CACNA2D3: variants seen among roughly 807,000 people sequenced by gnomAD.
The protein encoded by CACNA2D3 is calcium voltage-gated channel auxiliary subunit alpha2delta 3.
In CACNA2D3, 60 loss-of-function variants were observed where a neutral mutation model predicts 160.6. That is an observed-to-expected ratio of 0.37 (90% CI 0.30 to 0.46). The LOEUF (loss-of-function observed/expected upper bound fraction) is 0.46. Ranked by LOEUF, CACNA2D3 falls within the 20% of genes least tolerant of loss-of-function variation. CACNA2D3 has a pLI of 1.00. For synonymous variants in CACNA2D3, 558 were observed against 492.9 expected, an observed-to-expected ratio of 1.13 and a Z score of -1.75; for missense variants, 1,205 against 1,365.0, an observed-to-expected ratio of 0.88 and a Z score of 1.85.
At chr3:54,659,293 C>A (rs1699928101) in intron 11 of CACNA2D3, among the ~76,000 whole-genome samples, 1 of 152,228 alleles carries the variant, frequency 6.6e-6, no homozygotes, top group African/African-American at 2.4e-5. Flanking sequence ...AGTGTGCGTT[C>A]AGGGAGCCTT....
intron 4 of CACNA2D3, among the ~76,000 whole-genome samples, chr3:54,421,106 T>C (rs901742286): frequency 6.6e-6 from 1 of 152,184 alleles, no homozygotes; most frequent in Non-Finnish European, 1.5e-5. Context: ...GAAGTTTTGC[T>C]CTGAGATGAA....
rs1390046362 is a variant in CACNA2D3, at chr3:54,195,142, C to T, written c.204+71548C>T. On this transcript the variant is annotated intron_variant, in intron 2 of 37. Coordinates refer to ENST00000474759, the MANE Select transcript of CACNA2D3 (RefSeq NM_018398.3). ...TCCTAATATGCACATTCCAGAGTCCCGCCTCCCAGAGGTCCAAATCATTTG... is the reference window on the plus strand; with the variant it reads ...TCCTAATATGCACATTCCAGAGTCCTGCCTCCCAGAGGTCCAAATCATTTG... Among the ~76,000 whole-genome samples, 7 of 152,280 alleles carry T rather than the reference C, an allele frequency of 4.6e-5. No individual in the cohort carries two copies. In the East Asian group the frequency reaches 9.7e-4, roughly 21 times the overall value.
At chr3:54,403,353 TCAAACACACACA>T (rs1699506813) in intron 4 of CACNA2D3, among the ~76,000 whole-genome samples, 1 of 100,286 alleles carries the variant, frequency 1.0e-5, no homozygotes, top group Admixed American at 1.1e-4. Context: ...GGACCCTATC[TCAAACACACACA>T]CACACACACA....
chr3:55,050,221 T>C (rs1288730264), intron 35 of CACNA2D3, among the ~76,000 whole-genome samples: 1 of 150,920 alleles, frequency 6.6e-6, no homozygotes, highest in Non-Finnish European at 1.5e-5. Flanking sequence ...CATTTTGGCA[T>C]GATTTTGCAG....
intron 13 of CACNA2D3, among the ~76,000 whole-genome samples, chr3:54,806,855 G>T (rs1331340810): frequency 1.3e-5 from 2 of 152,092 alleles, no homozygotes; most frequent in African/African-American, 4.8e-5. Context: ...CCAAAACAGA[G>T]ATATAGATCA....
chr3:54,482,523 A>G (rs1330279377), intron 4 of CACNA2D3, among the ~76,000 whole-genome samples: 3 of 152,224 alleles, frequency 2.0e-5, no homozygotes, highest in Non-Finnish European at 4.4e-5. Flanking sequence ...ACTAATGCCC[A>G]TAATTTATGT....
At chr3:54,786,962 C>A (rs948010250) in intron 13 of CACNA2D3, among the ~76,000 whole-genome samples, 1 of 152,170 alleles carries the variant, frequency 6.6e-6, no homozygotes, top group African/African-American at 2.4e-5. Context: ...TTCAAATTTC[C>A]CAACATGGAG....
At chr3:54,990,128 G>A (rs1241321433) in intron 31 of CACNA2D3, among the ~76,000 whole-genome samples, 2 of 152,216 alleles carry the variant, frequency 1.3e-5, no homozygotes, top group Admixed American at 1.3e-4. Flanking sequence ...GTTAGCCCAG[G>A]TGAAACTCGA....
Position 54,341,731 on chromosome 3 carries a change from A to G in CACNA2D3, c.321+21173A>G, listed in dbSNP as rs1195879393. ...ACTTCATCCATCTGCTGGCTCTTAC[A>G]GTAGATCCAAATCTTTATATTATCT... On this transcript the variant is annotated intron_variant, in intron 3 of 37. Transcript: ENST00000474759. Among the ~76,000 whole-genome samples, 4 of 152,196 alleles carry G rather than the reference A, an allele frequency of 2.6e-5. No homozygotes were observed. In the East Asian group the frequency reaches 7.7e-4, roughly 29 times the overall value.
chr3:54,828,839 A>G (rs1168138351), intron 14 of CACNA2D3, among the ~76,000 whole-genome samples: 1 of 152,246 alleles, frequency 6.6e-6, no homozygotes, highest in East Asian at 1.9e-4. Context: ...ATAATGATTC[A>G]GTAAGAAGAG....
At chr3:54,795,073 A>G (rs373753262) in intron 13 of CACNA2D3, among the ~76,000 whole-genome samples, 4 of 151,420 alleles carry the variant, frequency 2.6e-5, no homozygotes, top group East Asian at 3.9e-4. Context: ...TACTGAAGTT[A>G]TTTTTCAACT....
chr3:54,209,306 T>C (rs1701328348), intron 2 of CACNA2D3, among the ~76,000 whole-genome samples: 1 of 151,444 alleles, frequency 6.6e-6, no homozygotes, highest in African/African-American at 2.4e-5. Context: ...CTTAGAAGAG[T>C]TTTTCAATAA....
chr3:54,385,889 T>C (rs754793539), intron 3 of CACNA2D3: 2 of 499,998 alleles, frequency 4.0e-6, no homozygotes, highest in Non-Finnish European at 8.0e-6. Context: ...TGCTTTTAGT[T>C]TGATATAATT....
At chr3:55,010,542 G>A (rs1397525259) in intron 34 of CACNA2D3, among the ~76,000 whole-genome samples, 1 of 152,172 alleles carries the variant, frequency 6.6e-6, no homozygotes, top group East Asian at 1.9e-4. Flanking sequence ...GCCCACTCAT[G>A]TGCTATTTCT....
chr3:54,683,893 A>G (rs191406934), intron 11 of CACNA2D3, among the ~76,000 whole-genome samples: 1 of 151,074 alleles, frequency 6.6e-6, no homozygotes, highest in Non-Finnish European at 1.5e-5. Context: ...TTGTGGCAGC[A>G]TAACTCCAAT....
At chr3:54,488,544 C>A (rs1701054465) in intron 4 of CACNA2D3, among the ~76,000 whole-genome samples, 1 of 152,126 alleles carries the variant, frequency 6.6e-6, no homozygotes, top group Non-Finnish European at 1.5e-5. Context: ...ACAGTCCATC[C>A]TGACTCTCTA....
chr3:54,982,970 A>G (rs963169966), intron 29 of CACNA2D3, among the ~76,000 whole-genome samples: 8 of 152,124 alleles, frequency 5.3e-5, no homozygotes, highest in East Asian at 3.9e-4. Flanking sequence ...CCGACCTACT[A>G]TCTCATCCTG....
chr3:54,428,210 G>T (rs1221004341), intron 4 of CACNA2D3, among the ~76,000 whole-genome samples: 1 of 152,070 alleles, frequency 6.6e-6, no homozygotes, highest in Non-Finnish European at 1.5e-5. Flanking sequence ...TAAAACCCAG[G>T]GCTCGGCTGC....
At chr3:54,977,150 A>G (rs762262764) in intron 29 of CACNA2D3, among the ~76,000 whole-genome samples, 11 of 152,172 alleles carry the variant, frequency 7.2e-5, no homozygotes, top group Non-Finnish European at 1.5e-4. Flanking sequence ...CCTTCACTTT[A>G]TATTTTGATT....
Sources: allele counts gnomAD v4.1 joint callset (sites outside exome capture counted in the v4.1 genomes callset), GRCh38; gene constraint gnomAD v4.1.1; transcripts MANE v1.5; gene names NCBI Gene and HGNC (gene_info 2026-07-23, HGNC 2026-07-21).